SEC23B: variants seen among roughly 807,000 people sequenced by gnomAD.
SEC23B encodes the protein protein transport protein Sec23B.
A neutral mutation model predicts 104.3 loss-of-function variants in SEC23B; 77 were observed. The observed-to-expected ratio is 0.74, with a 90% CI of 0.61 to 0.89. The LOEUF is 0.89. SEC23B is among the 40% of genes least tolerant of loss of function. The probability of loss-of-function intolerance (pLI) is 0.00; values close to 1 mark genes in which losing one functional copy is unlikely to be tolerated. For synonymous variants in SEC23B, 338 were observed against 332.5 expected (o/e 1.02, Z -0.18); for missense variants, 885 against 949.4 (o/e 0.93, Z 0.89).
chr20:18,531,549 G>A (rs2060187291), intron 10 of SEC23B, among the ~76,000 whole-genome samples: 1 of 151,850 alleles, frequency 6.6e-6, no homozygotes, highest in Non-Finnish European at 1.5e-5. Flanking sequence ...CCAGCTACTT[G>A]GGAGGCTGAG....
Position 18,535,682 on chromosome 20 carries a change from G to A in SEC23B, c.1344G>A (p.Trp448Ter). The stretch of plus-strand genomic sequence containing the variant: ...TTGGTGTTGGTGGCACGAGTCAGTG[G>A]AAAATCTGTGGCCTAGATCCTACAT... ...NELGVGGTSQ[W>*]KICGLDPTST... Residue 448 changes from tryptophan (W) to a stop codon, truncating the protein, a stop_gained, in exon 12 of 20, where the codon TGG becomes TGA. Coordinates refer to ENST00000650089, the MANE Select transcript of SEC23B (RefSeq NM_006363.6). LOFTEE classifies it high-confidence loss of function. The A allele has an allele frequency of 6.2e-7, 1 of 1,613,474 alleles. No individual in the cohort carries two copies. The highest frequency in any genetic ancestry group is 8.5e-7 in the Non-Finnish European group (1 of 1,179,816).
intron 4 of SEC23B, among the ~76,000 whole-genome samples, chr20:18,517,057 T>C (rs2060035798): frequency 6.6e-6 from 1 of 152,208 alleles, no homozygotes; most frequent in Non-Finnish European, 1.5e-5. Flanking sequence ...TCCATATATA[T>C]GTTGATATTT....
chr20:18,555,444 A>G (rs1025161310), intron 19 of SEC23B, among the ~76,000 whole-genome samples: 1 of 151,988 alleles, frequency 6.6e-6, no homozygotes, highest in Non-Finnish European at 1.5e-5. Flanking sequence ...TGTGGCCTCC[A>G]TGGTGGTGTC....
At chr20:18,513,460 GA>G (rs1468750288) in intron 3 of SEC23B, among the ~76,000 whole-genome samples, 1 of 152,156 alleles carries the variant, frequency 6.6e-6, no homozygotes, top group Admixed American at 6.5e-5. Flanking sequence ...TAAAATGAGT[GA>G]ATTTTATGTT....
At chr20:18,547,295 G>A (rs554599291) in intron 15 of SEC23B, among the ~76,000 whole-genome samples, 29 of 152,210 alleles carry the variant, frequency 1.9e-4, no homozygotes, top group African/African-American at 6.5e-4. Flanking sequence ...GATGGTAAGA[G>A]AACTTACCTC....
At chr20:18,528,784 C>A (rs2060156698) in intron 9 of SEC23B, among the ~76,000 whole-genome samples, 1 of 152,158 alleles carries the variant, frequency 6.6e-6, no homozygotes, top group Non-Finnish European at 1.5e-5. Flanking sequence ...CATAGAAAAG[C>A]TTTAGTGTAT....
intron 12 of SEC23B, among the ~76,000 whole-genome samples, chr20:18,541,725 A>G (rs1169207558): frequency 2.0e-5 from 3 of 152,222 alleles, no homozygotes; most frequent in Non-Finnish European, 4.4e-5. Context: ...ATCAAAGATC[A>G]CTGATCACAG....
chr20:18,549,527 G>A (rs1240089033), intron 16 of SEC23B, among the ~76,000 whole-genome samples: 1 of 151,422 alleles, frequency 6.6e-6, no homozygotes. Context: ...AGGGCCAACA[G>A]TATTCACAAA....
Position 18,510,859 on chromosome 20 carries a change from C to T in SEC23B, c.24C>T (p.Ile8=). The T allele has an allele frequency of 1.2e-6, 2 of 1,614,010 alleles. No individual in the cohort carries two copies. Among genetic ancestry groups the T allele is most frequent in the Non-Finnish European group, 8.5e-7 (1 of 1,179,852 alleles). Residue 8 remains isoleucine (I), a synonymous_variant, in exon 2 of 20, where the codon ATC becomes ATT. Coordinates refer to ENST00000650089, the MANE Select transcript of SEC23B (RefSeq NM_006363.6). ...CTATGGCGACATACCTGGAGTTCAT[C>T]CAGCAGAATGAAGAACGGGATGGTG... MATYLEF[I]QQNEERDGVR...
chr20:18,517,336 G>A (rs144722680), intron 4 of SEC23B, among the ~76,000 whole-genome samples: 1 of 152,302 alleles, frequency 6.6e-6, no homozygotes, highest in Non-Finnish European at 1.5e-5. Flanking sequence ...CGTTCTCAAG[G>A]GTGGGGAGAA....
rs761082788 is a variant in SEC23B at position 18,510,912 on chromosome 20, C to G, written c.77C>G (p.Ser26Cys). The change falls in exon 2 of 20, where the codon TCC becomes TGC. Residue 26 changes from serine (S) to cysteine (C), a missense_variant. Ser to Cys is a moderately radical substitution (Grantham distance 112, BLOSUM62 -1). Transcript: ENST00000650089. ...CGTTTTAGTTGGAACGTGTGGCCTT[C>G]CAGCCGGCTGGAGGCTACAAGAATG... ...GVRFSWNVWP[S>C]SRLEATRMVV... The G allele has an allele frequency of 1.2e-6, 2 of 1,614,126 alleles. No homozygotes were observed. Among genetic ancestry groups the G allele is most frequent in the East Asian group, 4.5e-5 (2 of 44,878 alleles).
chr20:18,537,742 TAAAA>T (rs1481009744), intron 12 of SEC23B, among the ~76,000 whole-genome samples: 1 of 151,850 alleles, frequency 6.6e-6, no homozygotes, highest in Non-Finnish European at 1.5e-5. Context: ...ATAATAATAA[TAAAA>T]AATAAATAAA....
intron 4 of SEC23B, among the ~76,000 whole-genome samples, chr20:18,516,248 C>CT (rs71194246): frequency 0.28 from 38,430 of 138,974 alleles, 5,663 homozygotes; most frequent in South Asian, 0.38. Flanking sequence ...CACAGTAATT[C>CT]TTTTTTTTTT....
At position 18,524,537 on chromosome 20, in the gene SEC23B, T is replaced by C; in HGVS notation, c.471T>C (p.Leu157=). ...AGTCCCTGCAGATGTCCCTGAGTCT[T>C]CTTCCTCCAGATGCTCTGGTGGGTC... The part of the protein sequence containing the change: ...LKESLQMSLS[L]LPPDALVGLI... The change falls in exon 5 of 20, where the codon CTT becomes CTC. Residue 157 remains leucine, a synonymous_variant. Coordinates refer to ENST00000650089, the MANE Select transcript of SEC23B (RefSeq NM_006363.6). 1.9e-6 allele frequency: 3 copies of C among 1,614,204 alleles called. No homozygotes were observed. Among genetic ancestry groups the C allele is most frequent in the Non-Finnish European group, 2.5e-6 (3 of 1,180,014 alleles).
At chr20:18,555,537 C>A (rs1042574451) in intron 19 of SEC23B, among the ~76,000 whole-genome samples, 1 of 152,114 alleles carries the variant, frequency 6.6e-6, no homozygotes, top group Non-Finnish European at 1.5e-5. Flanking sequence ...TTGCCGCCTC[C>A]TCACTTTCCA....
rs2060122154 is a variant in SEC23B at position 18,524,993 on chromosome 20, C to A, written c.662C>A (p.Pro221Gln). ...MPMQQARPAQPQEHPFASSRF... is the reference protein window; with the variant it reads ...MPMQQARPAQQQEHPFASSRF... ...ATGCAGCAAGCACGACCTGCACAAC[C>A]ACAGGAGCACCCTTTTGCTTCAAGC... Residue 221 changes from proline to glutamine, a missense_variant, in exon 6 of 20, where the codon CCA becomes CAA. Pro to Gln is a moderately conservative substitution (Grantham distance 76). Coordinates refer to ENST00000650089, the MANE Select transcript of SEC23B (RefSeq NM_006363.6). The A allele has an allele frequency of 2.5e-6, 4 of 1,613,952 alleles. No individual in the cohort carries two copies. The African/African-American group carries it at 5.3e-5, about 22-fold the overall frequency.
Position 18,526,526 on chromosome 20 carries a change from A to G in SEC23B, c.988A>G (p.Thr330Ala). Reference sequence around the variant, plus strand: ...TAATGCACGATTCATGAAAAAGGCAACCAAGGTAGGTGCTCTTGGGTATGG... The same window carrying G: ...TAATGCACGATTCATGAAAAAGGCAGCCAAGGTAGGTGCTCTTGGGTATGG... ...KDNARFMKKA[T>A]KHYEMLANRT... is the part of the protein sequence containing the mutation. Residue 330 changes from threonine (T) to alanine (A), a missense_variant, in exon 8 of 20, where the codon ACC becomes GCC. By Grantham distance (58) the Thr-to-Ala change is moderately conservative. Transcript: ENST00000650089. 1 of 1,614,120 alleles carries G rather than the reference A, an allele frequency of 6.2e-7. No individual in the cohort carries two copies.
At chr20:18,536,835 A>G (rs1304514846) in intron 12 of SEC23B, among the ~76,000 whole-genome samples, 1 of 152,268 alleles carries the variant, frequency 6.6e-6, no homozygotes, top group Admixed American at 6.5e-5. Flanking sequence ...TATTCTTACA[A>G]TAAAGTAAGC....
intron 8 of SEC23B, 82 bp from the exon 9 acceptor site, chr20:18,527,414 T>A (rs1338755204): frequency 2.4e-6 from 2 of 830,202 alleles, no homozygotes; most frequent in Non-Finnish European, 4.3e-6. Flanking sequence ...TGTTTTTATA[T>A]TTGATTACCT....
Sources: allele counts gnomAD v4.1 joint callset (sites outside exome capture counted in the v4.1 genomes callset), GRCh38; gene constraint gnomAD v4.1.1; transcripts MANE v1.5; gene names NCBI Gene and HGNC (gene_info 2026-07-23, HGNC 2026-07-21).